Variants in FAM151B observed in about 807,000 individuals in gnomAD.
FAM151B encodes protein FAM151B.
In FAM151B, 24 loss-of-function variants were observed where a neutral mutation model predicts 31.2. The ratio of observed to expected loss-of-function variants is 0.77; its 90% confidence interval spans 0.56 to 1.08. The LOEUF is 1.08. FAM151B is among the 50% of genes least tolerant of loss of function. The pLI, the probability that FAM151B is intolerant of heterozygous loss-of-function variation, is 0.00. For synonymous variants in FAM151B, 105 were observed against 111.4 expected, an observed-to-expected ratio of 0.94 and a Z score of 0.36; for missense variants, 293 against 328.6, an observed-to-expected ratio of 0.89 and a Z score of 0.84.
At chr5:80,537,196 G>A (rs971942443) in intron 5 of FAM151B, among the ~76,000 whole-genome samples, 4 of 152,142 alleles carry the variant, frequency 2.6e-5, no homozygotes, top group Admixed American at 2.6e-4. Flanking sequence ...AAGTAAGTGA[G>A]CCTCTGCCAT....
At chr5:80,525,547 C>T (rs1414080067) in intron 5 of FAM151B, among the ~76,000 whole-genome samples, 3 of 152,056 alleles carry the variant, frequency 2.0e-5, no homozygotes, top group African/African-American at 7.2e-5. Flanking sequence ...TATCTGTCTC[C>T]AAACAGTCCA....
chr5:80,531,511 A>C (rs1448600292), intron 5 of FAM151B, among the ~76,000 whole-genome samples: 1 of 152,202 alleles, frequency 6.6e-6, no homozygotes, highest in African/African-American at 2.4e-5. Flanking sequence ...AATACCCAGA[A>C]TCTACAAAGA....
At chr5:80,506,099 A>T (rs1743950449) in intron 2 of FAM151B, 23 of 985,366 alleles carry the variant, frequency 2.3e-5, no homozygotes, top group Non-Finnish European at 2.8e-5. Context: ...GCTCCATACA[A>T]GCATATGGAA....
At position 80,538,419 on chromosome 5, in the gene FAM151B, T is replaced by TC. The variant is rs1745638226; in HGVS notation, c.672-3253dup. On this transcript the variant is annotated intron_variant, in intron 5 of 5. Transcript: ENST00000282226. ...TTCTTTCTTTCTTTCTTTCTTTCTT[T>TC]CTTTCTTTCTTTCTTTCTTTCTTTC... is the stretch of plus-strand genomic sequence containing the variant. 5.5e-5 allele frequency among the ~76,000 whole-genome samples: 3 copies of TC among 54,948 alleles called. No individual in the cohort carries two copies. The South Asian group carries it at 2.1e-3, about 39-fold the overall frequency. The allele number at this position is 54,948 out of a possible 152,430, so 36.0% of individuals were successfully genotyped here.
Position 80,498,180 on chromosome 5 carries a change from G to A in FAM151B, c.26-3612G>A, listed in dbSNP as rs1743618653. The stretch of plus-strand genomic sequence containing the variant: ...AATCAATAATGTGCCTTCTAAAATG[G>A]CTACCTTAATATTTTAAAGAATGAT... On this transcript the variant is annotated intron_variant, in intron 1 of 5. Coordinates refer to ENST00000282226, the MANE Select transcript of FAM151B (RefSeq NM_205548.3). Among the ~76,000 whole-genome samples, 9 of 152,170 alleles carry A rather than the reference G, an allele frequency of 5.9e-5. No homozygotes were observed. In the South Asian group the frequency reaches 1.9e-3, roughly 32 times the overall value.
intron 2 of FAM151B, among the ~76,000 whole-genome samples, chr5:80,509,476 C>G (rs1391744410): frequency 6.6e-6 from 1 of 152,132 alleles, no homozygotes; most frequent in African/African-American, 2.4e-5. Flanking sequence ...GATTTCCCAG[C>G]CTCCAGAATG....
chr5:80,493,870 T>C (rs1443156688), intron 1 of FAM151B, among the ~76,000 whole-genome samples: 1 of 152,200 alleles, frequency 6.6e-6, no homozygotes, highest in Non-Finnish European at 1.5e-5. Flanking sequence ...CTTTGAAGCA[T>C]GTGATCCTTG....
At chr5:80,488,639 G>C (rs1743203795) in intron 1 of FAM151B, among the ~76,000 whole-genome samples, 1 of 152,184 alleles carries the variant, frequency 6.6e-6, no homozygotes, top group Non-Finnish European at 1.5e-5. Flanking sequence ...TCAACTCGCG[G>C]GACAGCAGTT....
At chr5:80,494,404 C>A (rs953712680) in intron 1 of FAM151B, among the ~76,000 whole-genome samples, 2 of 152,088 alleles carry the variant, frequency 1.3e-5, no homozygotes, top group African/African-American at 4.8e-5. Context: ...AAAGTAGCTG[C>A]ACTAACAGCA....
intron 5 of FAM151B, among the ~76,000 whole-genome samples, chr5:80,536,193 T>C (rs1023500693): frequency 7.2e-5 from 11 of 152,174 alleles, no homozygotes; most frequent in African/African-American, 2.4e-4. Context: ...TTTTTTGAGA[T>C]GGAGTCTCAC....
chr5:80,517,027 G>A (rs1744477602), intron 3 of FAM151B, among the ~76,000 whole-genome samples: 1 of 151,930 alleles, frequency 6.6e-6, no homozygotes. Flanking sequence ...CCTTCCCTTC[G>A]TCCAGCGTAT....
chr5:80,489,247 T>C (rs1203640195), intron 1 of FAM151B, among the ~76,000 whole-genome samples: 1 of 152,200 alleles, frequency 6.6e-6, no homozygotes, highest in East Asian at 1.9e-4. Flanking sequence ...TTTTGCATTG[T>C]TCTTCCTCAG....
At chr5:80,539,698 C>T (rs1745781874) in intron 5 of FAM151B, among the ~76,000 whole-genome samples, 1 of 151,818 alleles carries the variant, frequency 6.6e-6, no homozygotes, top group African/African-American at 2.4e-5. Flanking sequence ...CACCGTGTTA[C>T]CCAGGGTGGT....
chr5:80,498,297 G>T (rs1312697481), intron 1 of FAM151B, among the ~76,000 whole-genome samples: 1 of 152,074 alleles, frequency 6.6e-6, no homozygotes, highest in Non-Finnish European at 1.5e-5. Flanking sequence ...ACTGCTTTGG[G>T]GATAGTGGAT....
intron 5 of FAM151B, among the ~76,000 whole-genome samples, chr5:80,536,686 G>A (rs1745531494): frequency 1.3e-5 from 2 of 152,074 alleles, no homozygotes; most frequent in Non-Finnish European, 2.9e-5. Context: ...TATATATATT[G>A]TACTTACACA....
In FAM151B at chr5:80,522,032, G is replaced by A. The variant is rs770638463; in HGVS notation, c.565G>A (p.Glu189Lys). Reference protein sequence around the residue: ...GYSWTMVKEMEYICNELSQPV... With the variant: ...GYSWTMVKEMKYICNELSQPV... ...CAGTTGGACAATGGTGAAAGAGATG[G>A]AATATATATGTAATGAACTAAGTCA... Residue 189 changes from glutamate (E) to lysine (K), a missense_variant, in exon 5 of 6, where the codon GAA becomes AAA. Transcript: ENST00000282226. The A allele has an allele frequency of 3.1e-6, 5 of 1,604,762 alleles. No homozygotes were observed. Among genetic ancestry groups the A allele is most frequent in the Non-Finnish European group, 4.3e-6 (5 of 1,173,210 alleles).
At chr5:80,506,264 A>G (rs1160849033) in intron 2 of FAM151B, among the ~76,000 whole-genome samples, 1 of 152,194 alleles carries the variant, frequency 6.6e-6, no homozygotes, top group East Asian at 1.9e-4. Flanking sequence ...AAGAAGTTTT[A>G]TATCTTAAAA....
rs1743738599 is a variant in FAM151B, at chr5:80,501,363, G to A, written c.26-429G>A. The A allele has an allele frequency of 4.7e-6, 6 of 1,278,908 alleles. No individual in the cohort carries two copies. In the South Asian group the frequency reaches 6.0e-5, roughly 13 times the overall value. The allele number at this position is 1,278,908 out of a possible 1,614,324, so 79.2% of individuals were successfully genotyped here. A position where few individuals can be genotyped will look rare whatever the true frequency, so the allele number is the denominator to read the frequency against. On this transcript the variant is annotated intron_variant, in intron 1 of 5. Transcript: ENST00000282226. ...TAGAAGGTGGAGATGCTGGCAACAG[G>A]GAGGACCAGATCAACAGGCTTACTA...
At chr5:80,520,088 G>A (rs1368928458) in intron 4 of FAM151B, among the ~76,000 whole-genome samples, 178 bp downstream of exon 4, 1 of 152,226 alleles carries the variant, frequency 6.6e-6, no homozygotes, top group East Asian at 1.9e-4. Context: ...TAGATGCCAT[G>A]TTCACTGGTG....
Sources: allele counts gnomAD v4.1 joint callset (sites outside exome capture counted in the v4.1 genomes callset), GRCh38; gene constraint gnomAD v4.1.1; transcripts MANE v1.5; gene names NCBI Gene and HGNC (gene_info 2026-07-23, HGNC 2026-07-21).